The following HIPK1 variants were observed in gnomAD, a reference collection of about 807,000 sequenced individuals.
The protein encoded by HIPK1 is homeodomain interacting protein kinase 1.
HIPK1 carries 28 observed loss-of-function variants against 117.1 expected under a neutral mutation model. The ratio of observed to expected loss-of-function variants is 0.24; its 90% confidence interval spans 0.18 to 0.33. The LOEUF (loss-of-function observed/expected upper bound fraction) is 0.33. HIPK1 is among the 10% of genes least tolerant of loss of function. The probability of loss-of-function intolerance (pLI) is 1.00; values close to 1 mark genes in which losing one functional copy is unlikely to be tolerated. For synonymous variants in HIPK1, 605 were observed against 562.5 expected (o/e 1.08, Z -1.07); for missense variants, 1,122 against 1,475.1 (o/e 0.76, Z 3.92).
rs185171904 is a variant in HIPK1 at position 113,977,375 on chromosome 1, G to C, written c.*3863G>C. ...GCAGTACATTATATGTACATTATAT[G>C]TAATGTTAGTATTTCTGCTTTGAAT... On this transcript the variant is annotated 3_prime_UTR_variant, in exon 16 of 16. Transcript: ENST00000426820. 1.2e-4 allele frequency: 18 copies of C among 152,764 alleles called. No homozygotes were observed. Among genetic ancestry groups the C allele is most frequent in the Non-Finnish European group, 2.4e-4 (16 of 68,022 alleles). The allele number at this position is 152,764 out of a possible 1,614,324, so 9.5% of individuals were successfully genotyped here.
chr1:113,955,700 A>G (rs1671672158), intron 5 of HIPK1, 51 bp downstream of exon 5: 1 of 968,036 alleles, frequency 1.0e-6, no homozygotes, highest in Admixed American at 2.1e-5. Flanking sequence ...AATCAGAGAC[A>G]CTTCTGTTGA....
At chr1:113,932,368 C>CT (rs1182290415) in intron 1 of HIPK1, 2 of 140,672 alleles carry the variant, frequency 1.4e-5, no homozygotes, top group African/African-American at 5.3e-5. Flanking sequence ...CTTTTTGGAT[C>CT]TGTTTTTTTT....
intron 8 of HIPK1, among the ~76,000 whole-genome samples, chr1:113,960,618 G>C (rs1322353739): frequency 6.6e-6 from 1 of 152,118 alleles, no homozygotes; most frequent in Non-Finnish European, 1.5e-5. Context: ...CTTGTAGTTA[G>C]GCATGTATCC....
In HIPK1 at chr1:113,956,829, T is replaced by C. The variant is rs1452112710; in HGVS notation, c.1592+18T>C. The C allele has an allele frequency of 5.6e-6, 9 of 1,609,614 alleles. No homozygotes were observed. The African/African-American group carries it at 1.1e-4, about 19-fold the overall frequency. On this transcript the variant is annotated intron_variant, in intron 6 of 15. Transcript: ENST00000426820. ...AGCAATCAGTGAGTATGGAATATTC[T>C]GGGGCTTTTGCCATGTGGTTCTTTG...
At chr1:113,957,856 T>G (rs1671827373) in intron 7 of HIPK1, among the ~76,000 whole-genome samples, 1 of 143,806 alleles carries the variant, frequency 7.0e-6, no homozygotes, top group Non-Finnish European at 1.5e-5. Flanking sequence ...GGACCATTCG[T>G]TTTTTTTTTT....
intron 2 of HIPK1, among the ~76,000 whole-genome samples, chr1:113,942,696 A>G (rs976246052): frequency 1.3e-5 from 2 of 152,224 alleles, no homozygotes; most frequent in African/African-American, 4.8e-5. Flanking sequence ...ATTTTAATAT[A>G]TAATAATTAT....
chr1:113,961,698 C>T (rs1672116649), intron 8 of HIPK1, among the ~76,000 whole-genome samples: 1 of 152,050 alleles, frequency 6.6e-6, no homozygotes, highest in Non-Finnish European at 1.5e-5. Context: ...GTAATCCCGG[C>T]ACTTTGGGAG....
At chr1:113,951,716 A>T (rs1190284249) in intron 2 of HIPK1, among the ~76,000 whole-genome samples, 1 of 152,122 alleles carries the variant, frequency 6.6e-6, no homozygotes. Context: ...CAACAACTCT[A>T]TGTGGTGGGA....
At chr1:113,961,201 A>G (rs1672080729) in intron 8 of HIPK1, among the ~76,000 whole-genome samples, 1 of 152,244 alleles carries the variant, frequency 6.6e-6, no homozygotes, top group Non-Finnish European at 1.5e-5. Context: ...AGATTTATTC[A>G]ACATTTGTTC....
At chr1:113,938,957 CACACACTT>C (rs1399771823) in intron 1 of HIPK1, among the ~76,000 whole-genome samples, 8 of 138,168 alleles carry the variant, frequency 5.8e-5, no homozygotes, top group South Asian at 2.2e-4. Context: ...CACACACACA[CACACACTT>C]AGGAGATGGA....
At chr1:113,933,720 AGCTGGGC>A (rs1670055134) in intron 1 of HIPK1, among the ~76,000 whole-genome samples, 2 of 152,074 alleles carry the variant, frequency 1.3e-5, no homozygotes, top group African/African-American at 4.8e-5. Context: ...CAAAAAAATT[AGCTGGGC>A]GTGGTGGCAT....
In HIPK1 at chr1:113,966,309, G is replaced by A. The variant is rs1362872020; in HGVS notation, c.2381+37G>A. ...GTGTTACTCTGGGAGATTTGTAAGG[G>A]CCGATCCCATAGGGTGGGAGCACTT... is the stretch of plus-strand genomic sequence containing the variant. On this transcript the variant is annotated intron_variant, in intron 11 of 15. Coordinates refer to ENST00000426820, the MANE Select transcript of HIPK1 (RefSeq NM_198268.3). 4.4e-6 allele frequency: 7 copies of A among 1,590,024 alleles called. No individual in the cohort carries two copies. In the African/African-American group the frequency reaches 5.4e-5, roughly 12 times the overall value.
At chr1:113,937,438 A>G (rs1246713497) in intron 1 of HIPK1, among the ~76,000 whole-genome samples, 1 of 152,140 alleles carries the variant, frequency 6.6e-6, no homozygotes, top group Non-Finnish European at 1.5e-5. Flanking sequence ...CTCAAGGACC[A>G]CACAGATAAA....
intron 2 of HIPK1, among the ~76,000 whole-genome samples, chr1:113,946,211 A>G (rs1670984177): frequency 1.3e-5 from 2 of 152,202 alleles, no homozygotes; most frequent in South Asian, 4.1e-4. Flanking sequence ...CATAACATAT[A>G]TATAACATAC....
chr1:113,965,076 C>T (rs1394034606), intron 10 of HIPK1, among the ~76,000 whole-genome samples: 1 of 152,116 alleles, frequency 6.6e-6, no homozygotes. Flanking sequence ...TGGTAGCAGA[C>T]GTGTTTGCAG....
intron 1 of HIPK1, among the ~76,000 whole-genome samples, chr1:113,932,801 C>T (rs1260500805): frequency 6.6e-6 from 1 of 152,120 alleles, no homozygotes; most frequent in Non-Finnish European, 1.5e-5. Context: ...TATCTCCTTA[C>T]TCTACACGGT....
At chr1:113,952,496 G>T (rs1046740760) in intron 2 of HIPK1, among the ~76,000 whole-genome samples, 3 of 152,106 alleles carry the variant, frequency 2.0e-5, no homozygotes, top group African/African-American at 7.2e-5. Flanking sequence ...TAATGTGTTT[G>T]ATTATAGTGC....
chr1:113,948,227 A>G (rs1671115110), intron 2 of HIPK1, among the ~76,000 whole-genome samples: 1 of 152,156 alleles, frequency 6.6e-6, no homozygotes, highest in Admixed American at 6.5e-5. Context: ...ATAGGCCCAA[A>G]TAATACAAAA....
Position 113,940,722 on chromosome 1 carries a change from T to C in HIPK1, c.339T>C (p.Ser113=). 1 of 1,614,146 alleles carries C rather than the reference T, an allele frequency of 6.2e-7. No individual in the cohort carries two copies. Among genetic ancestry groups the C allele is most frequent in the South Asian group, 1.1e-5 (1 of 91,076 alleles). ...SQTLTHRSNV[S]LLEPYQKCGL... Reference sequence around the variant, plus strand: ...CCCTGACTCACAGAAGCAACGTTTCTTTGCTTGAGCCATATCAAAAATGTG... The same window carrying C: ...CCCTGACTCACAGAAGCAACGTTTCCTTGCTTGAGCCATATCAAAAATGTG... The change falls in exon 2 of 16, where the codon TCT becomes TCC. Residue 113 remains serine (S), a synonymous_variant. Coordinates refer to ENST00000426820, the MANE Select transcript of HIPK1 (RefSeq NM_198268.3).
Sources: allele counts gnomAD v4.1 joint callset (sites outside exome capture counted in the v4.1 genomes callset), GRCh38; gene constraint gnomAD v4.1.1; transcripts MANE v1.5; gene names NCBI Gene and HGNC (gene_info 2026-07-23, HGNC 2026-07-21).